Variants in CAST observed in about 807,000 individuals in gnomAD.
The protein encoded by CAST is MIR583 host.
CAST carries 76 observed loss-of-function variants against 119.6 expected under a neutral mutation model. The observed-to-expected ratio is 0.64, with a 90% CI of 0.53 to 0.77. The LOEUF is 0.77. CAST is among the 30% of genes least tolerant of loss of function. CAST has a pLI of 0.00. For synonymous variants in CAST, 319 were observed against 331.6 expected, an observed-to-expected ratio of 0.96 and a Z score of 0.41; for missense variants, 953 against 946.5, an observed-to-expected ratio of 1.01 and a Z score of -0.09.
At position 96,740,797 on chromosome 5, in the gene CAST, C is replaced by G. The variant is rs1288972880; in HGVS notation, c.918+14C>G. ...GCAGACTCTTCGGTGAGTTTACATA[C>G]ATGTCTTCTGATCTAAATTAATAGT... On this transcript the variant is annotated intron_variant, in intron 13 of 31. Coordinates refer to ENST00000675179, the MANE Select transcript of CAST (RefSeq NM_001750.7). 2 of 1,533,484 alleles carry G rather than the reference C, an allele frequency of 1.3e-6. No individual in the cohort carries two copies. The highest frequency in any genetic ancestry group is 1.8e-6 in the Non-Finnish European group (2 of 1,106,688). 95.0% of individuals were successfully genotyped at this position (1,533,484 alleles called of 1,614,324 possible). A position where few individuals can be genotyped will look rare whatever the true frequency, so the allele number is the denominator to read the frequency against.
chr5:96,027,467 A>G, the CAST span, among the ~76,000 whole-genome samples: 458 of 152,268 alleles, frequency 3.0e-3, 7 homozygotes, highest in East Asian at 0.021. Context: ...GAAGAAATAG[A>G]GAATTGTGGT....
chr5:96,017,089 G>A, the CAST span, among the ~76,000 whole-genome samples: 1 of 152,158 alleles, frequency 6.6e-6, no homozygotes, highest in Middle Eastern at 3.4e-3. Flanking sequence ...ACCTGCCTTG[G>A]TCTCCCAAAG....
At chr5:96,389,475 T>C in the CAST span, among the ~76,000 whole-genome samples, 36 of 152,318 alleles carry the variant, frequency 2.4e-4, 1 homozygote, top group East Asian at 6.4e-3. Context: ...TTCTGAAAGA[T>C]CATTCTAGTT....
the CAST span, among the ~76,000 whole-genome samples, chr5:96,041,022 C>G: frequency 0.015 from 2,346 of 152,204 alleles, 75 homozygotes; most frequent in African/African-American, 0.052. Flanking sequence ...GGTTGGTAGG[C>G]TATTAATTAT....
At chr5:96,554,115 G>T (rs1229390779) in intron 1 of CAST, among the ~76,000 whole-genome samples, 1 of 152,158 alleles carries the variant, frequency 6.6e-6, no homozygotes, top group Non-Finnish European at 1.5e-5. Flanking sequence ...TGGGCAAGAA[G>T]AACAAAGCCA....
At chr5:96,691,876 CAGGG>C (rs1474391543) in intron 2 of CAST, among the ~76,000 whole-genome samples, 2 of 152,196 alleles carry the variant, frequency 1.3e-5, no homozygotes, top group African/African-American at 4.8e-5. Flanking sequence ...TGGCTTCACT[CAGGG>C]AGCCTTTTCT....
At chr5:96,669,764 A>G (rs1024388681) in intron 1 of CAST, among the ~76,000 whole-genome samples, 5 of 152,156 alleles carry the variant, frequency 3.3e-5, no homozygotes, top group East Asian at 1.9e-4. Context: ...GAACCTCCCC[A>G]TGGGTGCCGA....
intron 1 of CAST, among the ~76,000 whole-genome samples, chr5:96,646,707 C>T (rs1398539546): frequency 1.3e-5 from 2 of 152,022 alleles, no homozygotes; most frequent in East Asian, 1.9e-4. Context: ...CTCTCATCAT[C>T]GATTGATTTT....
chr5:96,248,930 C>T, the CAST span, among the ~76,000 whole-genome samples: 19 of 152,322 alleles, frequency 1.2e-4, no homozygotes, highest in African/African-American at 4.6e-4. Flanking sequence ...CATGCTTCTA[C>T]TCATGTATTG....
intron 9 of CAST, among the ~76,000 whole-genome samples, chr5:96,731,400 T>C (rs1760449970): frequency 6.6e-6 from 1 of 152,080 alleles, no homozygotes; most frequent in Non-Finnish European, 1.5e-5. Flanking sequence ...TGCCCAGGAA[T>C]ATAAGATGAG....
the CAST span, among the ~76,000 whole-genome samples, chr5:96,073,669 G>A: frequency 9.2e-5 from 14 of 152,228 alleles, no homozygotes; most frequent in East Asian, 1.9e-4. Context: ...TCCCTTGCAT[G>A]CACAGTTCAC....
intron 1 of CAST, among the ~76,000 whole-genome samples, chr5:96,588,858 G>C (rs926189953): frequency 6.6e-6 from 1 of 152,102 alleles, no homozygotes; most frequent in Non-Finnish European, 1.5e-5. Context: ...TATAGAAAAA[G>C]CTCCACCTAC....
chr5:96,420,742 AGGGAGGGAGGG>A, the CAST span, among the ~76,000 whole-genome samples: 1 of 104,928 alleles, frequency 9.5e-6, no homozygotes, highest in African/African-American at 3.7e-5. Flanking sequence ...TAAGGAAGGG[AGGGAGGGAGGG>A]AGGGAGGAAG....
the CAST span, among the ~76,000 whole-genome samples, chr5:96,486,373 A>G: frequency 2.1e-4 from 32 of 152,298 alleles, no homozygotes; most frequent in African/African-American, 7.5e-4. Flanking sequence ...AACAGTTGTC[A>G]TCTGCCATTG....
intron 16 of CAST, among the ~76,000 whole-genome samples, chr5:96,744,993 A>G (rs980332727): frequency 6.6e-6 from 1 of 152,178 alleles, no homozygotes; most frequent in Non-Finnish European, 1.5e-5. Flanking sequence ...TGCCTACTGT[A>G]TACAAACCAG....
At chr5:96,531,909 A>T (rs983848638) in intron 1 of CAST, among the ~76,000 whole-genome samples, 4 of 152,220 alleles carry the variant, frequency 2.6e-5, no homozygotes, top group Non-Finnish European at 5.9e-5. Context: ...TTCAATGGGA[A>T]CTGTACTCAG....
chr5:96,627,942 G>A (rs549414026), intron 1 of CAST, among the ~76,000 whole-genome samples: 3 of 152,330 alleles, frequency 2.0e-5, no homozygotes, highest in South Asian at 4.1e-4. Context: ...ACAAAGTGAA[G>A]GCAGAATATT....
chr5:96,314,459 C>A, the CAST span, among the ~76,000 whole-genome samples: 1 of 152,190 alleles, frequency 6.6e-6, no homozygotes, highest in Non-Finnish European at 1.5e-5. Flanking sequence ...ATAGGTGAAG[C>A]TGAGCAAATG....
At chr5:96,174,672 CTCTCTT>C in the CAST span, among the ~76,000 whole-genome samples, 11 of 152,238 alleles carry the variant, frequency 7.2e-5, no homozygotes, top group South Asian at 1.9e-3. Flanking sequence ...GTTGTATACT[CTCTCTT>C]TCTAGCTTCT....
Sources: gnomAD v4.1 joint callset for allele counts (sites outside exome capture counted in the v4.1 genomes callset) on GRCh38, gnomAD v4.1.1 for gene constraint, MANE v1.5 for transcripts, NCBI Gene and HGNC (gene_info 2026-07-23, HGNC 2026-07-21) for gene names.